Variants in OTUD7A observed in about 807,000 individuals in gnomAD.
OTUD7A encodes OTU deubiquitinase 7A.
A neutral mutation model predicts 65.7 loss-of-function variants in OTUD7A; 12 were observed. That is an observed-to-expected ratio of 0.18 (90% CI 0.12 to 0.30). OTUD7A has a LOEUF of 0.30. Ranked by LOEUF, OTUD7A falls within the 10% of genes least tolerant of loss-of-function variation. The probability of loss-of-function intolerance (pLI) is 1.00; values close to 1 mark genes in which losing one functional copy is unlikely to be tolerated. For missense variants in OTUD7A, 1,148 were observed against 1,304.8 expected, an observed-to-expected ratio of 0.88 and a Z score of 1.85; for synonymous variants, 641 against 586.3, an observed-to-expected ratio of 1.09 and a Z score of -1.35.
intron 1 of OTUD7A, among the ~76,000 whole-genome samples, chr15:31,661,217 T>G (rs1892155359): frequency 6.6e-6 from 1 of 152,234 alleles, no homozygotes; most frequent in Non-Finnish European, 1.5e-5. Flanking sequence ...AATGTATAAC[T>G]TTGGGAATAG....
chr15:31,731,515 A>G (rs1894041972), intron 1 of OTUD7A, among the ~76,000 whole-genome samples: 1 of 152,242 alleles, frequency 6.6e-6, no homozygotes, highest in African/African-American at 2.4e-5. Context: ...TCACAGGGAC[A>G]GTAAAATGAT....
intron 5 of OTUD7A, among the ~76,000 whole-genome samples, chr15:31,543,616 A>G (rs772312322): frequency 5.3e-5 from 8 of 151,904 alleles, no homozygotes; most frequent in Non-Finnish European, 1.0e-4. Flanking sequence ...TCAATAGCAG[A>G]TAAAATAAAT....
intron 1 of OTUD7A, among the ~76,000 whole-genome samples, chr15:31,797,835 T>C (rs776828200): frequency 4.6e-5 from 7 of 152,100 alleles, no homozygotes; most frequent in Admixed American, 1.3e-4. Flanking sequence ...TTATGGAACG[T>C]TGTATTAGTG....
intron 1 of OTUD7A, among the ~76,000 whole-genome samples, chr15:31,813,617 C>A (rs974333543): frequency 2.6e-5 from 4 of 152,156 alleles, no homozygotes; most frequent in African/African-American, 9.7e-5. Flanking sequence ...CTTCTCAGAG[C>A]CTTTGACATG....
chr15:31,738,910 C>T (rs1381023384), intron 1 of OTUD7A, among the ~76,000 whole-genome samples: 3 of 152,206 alleles, frequency 2.0e-5, no homozygotes, highest in African/African-American at 7.2e-5. Context: ...GATTCCCACA[C>T]CATGCCAGGA....
Position 31,527,298 on chromosome 15 carries a change from C to T in OTUD7A, c.663G>A (p.Gly221=), listed in dbSNP as rs757505283. 24 of 1,613,958 alleles carry T rather than the reference C, an allele frequency of 1.5e-5. No homozygotes were observed. The highest frequency in any genetic ancestry group is 1.3e-5 in the Non-Finnish European group (15 of 1,179,920). ...LLHAASLGMW[G]FHDRDLVLRK... is the part of the protein sequence containing the mutation. ...GTAACACCAGGTCCCGGTCGTGAAA[C>T]CCCCACATTCCTGGAGCCAGGAGGC... The change falls in exon 7 of 13, where the codon GGG becomes GGA. Residue 221 remains glycine, a synonymous_variant. Coordinates refer to ENST00000307050, the MANE Select transcript of OTUD7A (RefSeq NM_001382637.1).
intron 1 of OTUD7A, among the ~76,000 whole-genome samples, chr15:31,686,808 T>C (rs1030999624): frequency 3.3e-5 from 5 of 152,190 alleles, no homozygotes; most frequent in South Asian, 2.1e-4. Context: ...AGCATGTCAT[T>C]TGGATGCAGG....
chr15:31,489,378 AG>A, intron 10 of OTUD7A, among the ~76,000 whole-genome samples: 1 of 152,240 alleles, frequency 6.6e-6, no homozygotes. Flanking sequence ...ATAATCTGTT[AG>A]AAGCAGTTCC....
chr15:31,547,589 A>C (rs545079659), intron 5 of OTUD7A, among the ~76,000 whole-genome samples: 3 of 152,340 alleles, frequency 2.0e-5, no homozygotes, highest in East Asian at 3.9e-4. Context: ...ATAGTGACTT[A>C]ATGAATATTT....
rs778320475 is a variant in OTUD7A, at chr15:31,484,353, C to T, written c.1743G>A (p.Glu581=). ...GCGACGTGCTGGCCGACGCACCAGA[C>T]TCCTCCTTGCTGCCCTTGCGCGACT... The part of the protein sequence containing the change: ...KAKSRKGSKE[E]SGASASTSPS... The change falls in exon 13 of 13, where the codon GAG becomes GAA. Residue 581 remains glutamate, a synonymous_variant. Transcript: ENST00000307050. The surrounding 1 kb of genome is among the most constrained non-coding windows in gnomAD (Gnocchi z 4.5). 1 of 1,601,122 alleles carries T rather than the reference C, an allele frequency of 6.2e-7. No individual in the cohort carries two copies. Among genetic ancestry groups the T allele is most frequent in the South Asian group, 1.1e-5 (1 of 91,026 alleles).
At chr15:31,501,554 G>A in intron 10 of OTUD7A, 136 bp downstream of exon 10, 1 of 1,096,278 alleles carries the variant, frequency 9.1e-7, no homozygotes, top group Non-Finnish European at 1.3e-6. Context: ...TGCAAAAACT[G>A]TCACTGCTGA....
intron 1 of OTUD7A, among the ~76,000 whole-genome samples, chr15:31,771,492 T>C (rs915312600): frequency 2.0e-5 from 3 of 152,208 alleles, no homozygotes; most frequent in African/African-American, 7.2e-5. Context: ...CTTCCTTGCA[T>C]CACGTATGCA....
intron 5 of OTUD7A, among the ~76,000 whole-genome samples, chr15:31,536,905 C>G (rs1887819769): frequency 6.6e-6 from 1 of 152,150 alleles, no homozygotes; most frequent in African/African-American, 2.4e-5. Context: ...AGATGGAATA[C>G]ATTCAATGTT....
intron 3 of OTUD7A, among the ~76,000 whole-genome samples, chr15:31,648,529 A>G (rs1369072596): frequency 6.6e-6 from 1 of 152,194 alleles, no homozygotes; most frequent in African/African-American, 2.4e-5. Context: ...GCCTGGAGGA[A>G]GTCATGCCCA....
intron 1 of OTUD7A, among the ~76,000 whole-genome samples, chr15:31,830,392 A>T (rs1446781553): frequency 6.6e-6 from 1 of 152,300 alleles, no homozygotes; most frequent in Non-Finnish European, 1.5e-5. Flanking sequence ...GGATGTTACA[A>T]TGTTTTAGGT....
At chr15:31,826,246 C>T (rs1356019801) in intron 1 of OTUD7A, among the ~76,000 whole-genome samples, 6 of 152,268 alleles carry the variant, frequency 3.9e-5, no homozygotes, top group African/African-American at 1.4e-4. Flanking sequence ...TCTGGGCATC[C>T]AGGCATTTCC....
intron 1 of OTUD7A, among the ~76,000 whole-genome samples, chr15:31,751,410 A>G (rs1382333760): frequency 6.6e-6 from 1 of 152,168 alleles, no homozygotes; most frequent in Non-Finnish European, 1.5e-5. Context: ...AAAAATCCAA[A>G]CAATAACAGA....
At chr15:31,767,209 G>A (rs932052743) in intron 1 of OTUD7A, 169 of 1,031,816 alleles carry the variant, frequency 1.6e-4, no homozygotes, top group Non-Finnish European at 2.2e-4. Flanking sequence ...TTTGAAGACT[G>A]GGGATCATCT....
chr15:31,868,756 C>A (rs187521416), intron 1 of OTUD7A, among the ~76,000 whole-genome samples: 3 of 152,296 alleles, frequency 2.0e-5, no homozygotes, highest in African/African-American at 7.2e-5. Flanking sequence ...ATGATCCAGG[C>A]CCAAGTGAGA....
Sources: gnomAD v4.1 joint callset for allele counts (sites outside exome capture counted in the v4.1 genomes callset) on GRCh38, gnomAD v4.1.1 for gene constraint, Gnocchi (gnomAD v3.1) non-coding constraint, MANE v1.5 for transcripts, NCBI Gene and HGNC (gene_info 2026-07-23, HGNC 2026-07-21) for gene names.